DEPDC5: variants seen among roughly 807,000 people sequenced by gnomAD.
DEPDC5 encodes the protein DEP domain containing 5, GATOR1 subcomplex subunit, also known as GATOR1 complex protein DEPDC5.
Under a neutral mutation model 217.3 loss-of-function variants are expected in DEPDC5, and 73 were observed. That is an observed-to-expected ratio of 0.34 (90% CI 0.28 to 0.41). The LOEUF is 0.41. Ranked by LOEUF, DEPDC5 falls within the 10% of genes least tolerant of loss-of-function variation. The pLI is 1.00. For synonymous variants in DEPDC5, 733 were observed against 756.7 expected, an observed-to-expected ratio of 0.97 and a Z score of 0.51; for missense variants, 1,675 against 2,070.1, an observed-to-expected ratio of 0.81 and a Z score of 3.70.
At chr22:31,783,845 A>T in intron 8 of DEPDC5, 62 bp from the exon 9 acceptor site, 1 of 1,445,596 alleles carries the variant, frequency 6.9e-7, no homozygotes. Flanking sequence ...GAACTTTTTC[A>T]TCTTATAGAA....
intron 38 of DEPDC5, among the ~76,000 whole-genome samples, chr22:31,882,200 T>A (rs974672466): frequency 6.6e-6 from 1 of 152,168 alleles, no homozygotes; most frequent in Non-Finnish European, 1.5e-5. Flanking sequence ...CAAGTTTATT[T>A]TTAGTAGCCA....
At chr22:31,774,204 CT>C (rs199567632) in intron 7 of DEPDC5, among the ~76,000 whole-genome samples, 21,340 of 142,262 alleles carry the variant, frequency 0.15, 1,350 homozygotes, top group African/African-American at 0.19. Context: ...CACATTGTAA[CT>C]TTTTTTTTTT....
rs184430234 is a variant in DEPDC5 at position 31,871,727 on chromosome 22, G to A, written c.3485+983G>A. 3.9e-5 allele frequency among the ~76,000 whole-genome samples: 6 copies of A among 152,292 alleles called. No individual in the cohort carries two copies. The East Asian group carries it at 1.2e-3, about 29-fold the overall frequency. The stretch of plus-strand genomic sequence containing the variant: ...GCTTTCAGAAGAAATGAGGAATCGG[G>A]GATATTTAGGCTGGAGGTGAAAAGA... On this transcript the variant is annotated intron_variant, in intron 34 of 42. Coordinates refer to ENST00000651528, the MANE Select transcript of DEPDC5 (RefSeq NM_001242896.3).
chr22:31,849,090 TC>T (rs2091893395), intron 31 of DEPDC5, among the ~76,000 whole-genome samples: 1 of 152,172 alleles, frequency 6.6e-6, no homozygotes, highest in African/African-American at 2.4e-5. Flanking sequence ...TGCCAAACTT[TC>T]CCACATCTTC....
intron 6 of DEPDC5, among the ~76,000 whole-genome samples, chr22:31,767,759 T>C (rs989814102): frequency 7.2e-5 from 11 of 151,884 alleles, no homozygotes; most frequent in African/African-American, 2.7e-4. Context: ...TTTGTTTATT[T>C]TTTTTGAGAC....
chr22:31,845,450 G>T (rs113954044), intron 30 of DEPDC5, among the ~76,000 whole-genome samples: 1 of 152,342 alleles, frequency 6.6e-6, no homozygotes, highest in Non-Finnish European at 1.5e-5. Context: ...CTGTGGCATA[G>T]AGCCATTCCC....
At chr22:31,818,765 T>C (rs1461607189) in intron 21 of DEPDC5, among the ~76,000 whole-genome samples, 1 of 152,242 alleles carries the variant, frequency 6.6e-6, no homozygotes, top group Non-Finnish European at 1.5e-5. Flanking sequence ...GGCAGTGTCC[T>C]TCCCATCAGA....
chr22:31,864,793 ATTC>A (rs1211390310), intron 33 of DEPDC5, among the ~76,000 whole-genome samples: 4 of 151,886 alleles, frequency 2.6e-5, no homozygotes, highest in Non-Finnish European at 2.9e-5. Context: ...GGTTCAAGTG[ATTC>A]TTCTGCCTCA....
At chr22:31,779,643 C>G (rs1321760191) in intron 8 of DEPDC5, among the ~76,000 whole-genome samples, 2 of 152,140 alleles carry the variant, frequency 1.3e-5, no homozygotes, top group African/African-American at 4.8e-5. Context: ...TAAGAGATCA[C>G]TACTCATTCA....
At position 31,852,701 on chromosome 22, in the gene DEPDC5, G is replaced by A. The variant is rs377455279; in HGVS notation, c.3156-4744G>A. The stretch of plus-strand genomic sequence containing the variant: ...CCCTTCATCTGTAATATTTCAGAAT[G>A]TACCTCGGAAAGACAAGTACTCTTT... On this transcript the variant is annotated intron_variant, in intron 31 of 42. Coordinates refer to ENST00000651528, the MANE Select transcript of DEPDC5 (RefSeq NM_001242896.3). 4.2e-4 allele frequency among the ~76,000 whole-genome samples: 64 copies of A among 152,158 alleles called. 1 individual carries two copies. In the South Asian group the frequency reaches 0.012, roughly 30 times the overall value.
chr22:31,891,164 C>T (rs2093430751), intron 38 of DEPDC5: 1 of 507,006 alleles, frequency 2.0e-6, no homozygotes, highest in South Asian at 1.8e-5. Flanking sequence ...GTAGGAGCTC[C>T]TTCTTTAAAC....
chr22:31,869,332 G>C (rs2092775091), intron 33 of DEPDC5, among the ~76,000 whole-genome samples: 1 of 152,080 alleles, frequency 6.6e-6, no homozygotes, highest in South Asian at 2.1e-4. Flanking sequence ...GAGGGAGATG[G>C]ATCTCCTTGA....
rs967757463 is a variant in DEPDC5, at chr22:31,897,402, G to A, written c.4204-80G>A. On this transcript the variant is annotated intron_variant, in intron 39 of 42. Coordinates refer to ENST00000651528, the MANE Select transcript of DEPDC5 (RefSeq NM_001242896.3). ...TCAATATGCATGCTGCCTTTCTGGCGGGTTTTCTCCTTGGGAAGTATTTTC... is the reference window on the plus strand; with the variant it reads ...TCAATATGCATGCTGCCTTTCTGGCAGGTTTTCTCCTTGGGAAGTATTTTC... The A allele has an allele frequency of 8.6e-6, 13 of 1,511,446 alleles. No homozygotes were observed. The Admixed American group carries it at 1.0e-4, about 12-fold the overall frequency. 93.6% of individuals were successfully genotyped at this position (1,511,446 alleles called of 1,614,324 possible).
intron 7 of DEPDC5, 89 bp downstream of exon 7, chr22:31,768,952 T>A: frequency 6.6e-7 from 1 of 1,512,102 alleles, no homozygotes; most frequent in Non-Finnish European, 9.2e-7. Flanking sequence ...TAATAAAATG[T>A]GTAAAAGTAT....
At chr22:31,874,510 G>C (rs2092937966) in intron 36 of DEPDC5, 105 bp downstream of exon 36, 3 of 1,409,764 alleles carry the variant, frequency 2.1e-6, no homozygotes, top group Middle Eastern at 4.0e-4. Context: ...CTGCAGGTTG[G>C]GGTGAGGATT....
intron 7 of DEPDC5, 107 bp from the exon 8 acceptor site, chr22:31,777,992 C>T (rs2084048926): frequency 2.4e-6 from 3 of 1,253,592 alleles, no homozygotes; most frequent in East Asian, 2.4e-5. Context: ...AGGTAATTCG[C>T]CCGCCTTGGC....
intron 24 of DEPDC5, among the ~76,000 whole-genome samples, chr22:31,828,642 C>G (rs938232960): frequency 8.6e-5 from 13 of 151,978 alleles, no homozygotes; most frequent in African/African-American, 3.1e-4. Flanking sequence ...TAGTCTTTTT[C>G]TCCTTGCTTG....
intron 38 of DEPDC5, among the ~76,000 whole-genome samples, chr22:31,886,358 T>G (rs1316053892): frequency 6.6e-6 from 1 of 152,174 alleles, no homozygotes; most frequent in African/African-American, 2.4e-5. Context: ...TTCCAAAGCC[T>G]TCTTCTAATG....
At chr22:31,775,788 A>G (rs1601732844) in intron 7 of DEPDC5, among the ~76,000 whole-genome samples, 1 of 151,834 alleles carries the variant, frequency 6.6e-6, no homozygotes, top group African/African-American at 2.4e-5. Flanking sequence ...ACACCTGTAA[A>G]CCCAGCAGTT....
Sources: gnomAD v4.1 joint callset for allele counts (sites outside exome capture counted in the v4.1 genomes callset) on GRCh38, gnomAD v4.1.1 for gene constraint, MANE v1.5 for transcripts, NCBI Gene and HGNC (gene_info 2026-07-23, HGNC 2026-07-21) for gene names.